CADPS2: variants seen among roughly 807,000 people sequenced by gnomAD.
CADPS2 encodes the protein calcium dependent secretion activator 2.
Under a neutral mutation model 172.5 loss-of-function variants are expected in CADPS2, and 93 were observed. The observed-to-expected ratio is 0.54, with a 90% CI of 0.46 to 0.64. CADPS2 has a LOEUF of 0.64. Among genes scored for constraint, CADPS2 ranks in the 30% least tolerant of loss-of-function variants. The pLI is 0.00. For synonymous variants in CADPS2, 546 were observed against 555.2 expected (o/e 0.98, Z 0.23); for missense variants, 1,420 against 1,565.9 (o/e 0.91, Z 1.57).
intron 1 of CADPS2, among the ~76,000 whole-genome samples, chr7:122,850,570 ATTAAC>A: frequency 6.6e-6 from 1 of 152,300 alleles, no homozygotes; most frequent in East Asian, 1.9e-4. Context: ...AAGCAGAAGT[ATTAAC>A]TTGTCTGGAA....
chr7:122,601,105 C>T (rs2072699864), intron 6 of CADPS2, among the ~76,000 whole-genome samples: 1 of 150,750 alleles, frequency 6.6e-6, no homozygotes, highest in Non-Finnish European at 1.5e-5. Context: ...TAGACATCTA[C>T]CATACTTGAA....
intron 1 of CADPS2, among the ~76,000 whole-genome samples, chr7:122,785,021 C>A (rs929202837): frequency 5.3e-5 from 8 of 152,092 alleles, no homozygotes; most frequent in African/African-American, 1.9e-4. Flanking sequence ...AACTTTTAAT[C>A]ATATTTTCAT....
At chr7:122,701,265 A>AATGGATGAGTTCATGTCCTTTGTAGGGAC (rs2086024910) in intron 2 of CADPS2, among the ~76,000 whole-genome samples, 1 of 152,210 alleles carries the variant, frequency 6.6e-6, no homozygotes, top group South Asian at 2.1e-4. Flanking sequence ...CAGCCATAAA[A>AATGGATGAGTTCATGTCCTTTGTAGGGAC]ATGGATGAGT....
Position 122,328,182 on chromosome 7 carries a change from A to G in CADPS2, c.3613-2601T>C, listed in dbSNP as rs2034274981. 4.6e-5 allele frequency among the ~76,000 whole-genome samples: 7 copies of G among 150,984 alleles called. No individual in the cohort carries two copies. In the South Asian group the frequency reaches 1.5e-3, roughly 32 times the overall value. On this transcript the variant is annotated intron_variant, in intron 28 of 29. Transcript: ENST00000449022. ...ACACGCACGCACACACCTTAAACAAACAATGAAAGCCACCAGACAGAAACC... is the reference window on the plus strand; with the variant it reads ...ACACGCACGCACACACCTTAAACAAGCAATGAAAGCCACCAGACAGAAACC...
At position 122,388,022 on chromosome 7, in the gene CADPS2, A is replaced by AT. The variant is rs558985227; in HGVS notation, c.3164+560dup. Among the ~76,000 whole-genome samples, 1,368 of 152,180 alleles carry AT rather than the reference A, an allele frequency of 9.0e-3. 12 individuals carry two copies. The highest frequency in any genetic ancestry group is 0.014 in the Non-Finnish European group (921 of 67,976). On this transcript the variant is annotated intron_variant, in intron 23 of 29. Coordinates refer to ENST00000449022, the MANE Select transcript of CADPS2 (RefSeq NM_017954.11). ...CTTGACCAATTAGGATGCAAAGCTG[A>AT]TTTTTTAAAACTACGATAAAATGAA...
intron 1 of CADPS2, among the ~76,000 whole-genome samples, chr7:122,876,862 T>C (rs1033130671): frequency 4.6e-5 from 7 of 152,144 alleles, no homozygotes; most frequent in African/African-American, 1.4e-4. Context: ...AGGGTCTGGA[T>C]GCAGGTAATT....
At chr7:122,379,171 A>C in intron 25 of CADPS2, 197 bp downstream of exon 25, 1 of 418,910 alleles carries the variant, frequency 2.4e-6, no homozygotes, top group Non-Finnish European at 4.3e-6. Context: ...AAAATTTATT[A>C]TATACAAAAA....
chr7:122,622,386 T>C (rs1354008124), intron 4 of CADPS2, among the ~76,000 whole-genome samples: 1 of 152,148 alleles, frequency 6.6e-6, no homozygotes, highest in East Asian at 1.9e-4. Context: ...AAGGGAAAAA[T>C]TAACAATATC....
chr7:122,653,839 T>C (rs2079444190), intron 3 of CADPS2, among the ~76,000 whole-genome samples: 1 of 152,164 alleles, frequency 6.6e-6, no homozygotes, highest in African/African-American at 2.4e-5. Context: ...ACAAATTCAT[T>C]CAATAAATGT....
In CADPS2 at chr7:122,560,338, A is replaced by G. The variant is rs539630599; in HGVS notation, c.1336-5649T>C. The stretch of plus-strand genomic sequence containing the variant: ...TGGAAGATTAGGGATAGACTGTAAG[A>G]AATGTGTTTTGCTAAGCGTGTGTTA... On this transcript the variant is annotated intron_variant, in intron 7 of 29. Coordinates refer to ENST00000449022, the MANE Select transcript of CADPS2 (RefSeq NM_017954.11). Among the ~76,000 whole-genome samples the G allele has an allele frequency of 1.4e-4, 21 of 152,322 alleles. No individual in the cohort carries two copies. In the East Asian group the frequency reaches 2.9e-3, roughly 21 times the overall value.
At chr7:122,711,344 A>G (rs886589385) in intron 2 of CADPS2, among the ~76,000 whole-genome samples, 2 of 152,096 alleles carry the variant, frequency 1.3e-5, no homozygotes, top group Non-Finnish European at 2.9e-5. Context: ...ATATATAGCT[A>G]TATCTCTCAA....
At chr7:122,335,481 C>T (rs2035715510) in intron 28 of CADPS2, among the ~76,000 whole-genome samples, 1 of 152,126 alleles carries the variant, frequency 6.6e-6, no homozygotes, top group South Asian at 2.1e-4. Context: ...CCAGGCTGGT[C>T]TCAAACTCCT....
At chr7:122,712,570 A>T (rs190286638) in intron 2 of CADPS2, among the ~76,000 whole-genome samples, 2 of 152,200 alleles carry the variant, frequency 1.3e-5, no homozygotes, top group East Asian at 3.9e-4. Context: ...TCATGGTTAT[A>T]TTTTTTCCAA....
Position 122,759,417 on chromosome 7 carries a change from A to C in CADPS2, c.340-22349T>G, listed in dbSNP as rs116467718. Among the ~76,000 whole-genome samples the C allele has an allele frequency of 3.2e-3, 483 of 152,318 alleles. 2 individuals carry two copies. The highest frequency in any genetic ancestry group is 0.011 in the African/African-American group (463 of 41,588). ...AAAGAAATCAAAGACTGTTTGAATAAAGTTATGTTTCTTTTCTAGTTTTTC... is the reference window on the plus strand; with the variant it reads ...AAAGAAATCAAAGACTGTTTGAATACAGTTATGTTTCTTTTCTAGTTTTTC... On this transcript the variant is annotated intron_variant, in intron 1 of 29. Transcript: ENST00000449022.
chr7:122,556,594 C>A (rs575037196), intron 7 of CADPS2, among the ~76,000 whole-genome samples: 1 of 152,170 alleles, frequency 6.6e-6, no homozygotes, highest in South Asian at 2.1e-4. Flanking sequence ...TAAATTAGGT[C>A]CCAAAATAAC....
At position 122,554,699 on chromosome 7, in the gene CADPS2, A is replaced by AG; in HGVS notation, c.1336-11_1336-10insC. The AG allele has an allele frequency of 6.3e-7, 1 of 1,580,910 alleles. No homozygotes were observed. Among genetic ancestry groups the AG allele is most frequent in the Non-Finnish European group, 8.6e-7 (1 of 1,165,322 alleles). ...TTGGGTATAATATCACCTGTATGGA[A>AG]AAAAAAACCCACATTTAAACGCATG... is the stretch of plus-strand genomic sequence containing the variant. On this transcript the variant is annotated splice_polypyrimidine_tract_variant and intron_variant, in intron 7 of 29. Coordinates refer to ENST00000449022, the MANE Select transcript of CADPS2 (RefSeq NM_017954.11).
In CADPS2 at chr7:122,541,733, T is replaced by G. The variant is rs530421092; in HGVS notation, c.1475+12817A>C. ...TATATTTACATATATTCATATATAT[T>G]TATTCATATATTTACATATATTCAT... On this transcript the variant is annotated intron_variant, in intron 8 of 29. Coordinates refer to ENST00000449022, the MANE Select transcript of CADPS2 (RefSeq NM_017954.11). Among the ~76,000 whole-genome samples, 3 of 144,812 alleles carry G rather than the reference T, an allele frequency of 2.1e-5. No individual in the cohort carries two copies. The Admixed American group carries it at 2.1e-4, about 10-fold the overall frequency.
intron 22 of CADPS2, among the ~76,000 whole-genome samples, chr7:122,392,767 A>G (rs2151487460): frequency 6.6e-6 from 1 of 152,332 alleles, no homozygotes; most frequent in Non-Finnish European, 1.5e-5. Flanking sequence ...ATAGAAAAAT[A>G]TTATATTCTT....
intron 14 of CADPS2, among the ~76,000 whole-genome samples, chr7:122,468,430 G>T (rs1027311772): frequency 6.6e-6 from 1 of 152,080 alleles, no homozygotes; most frequent in Non-Finnish European, 1.5e-5. Context: ...CATTAACAAA[G>T]AAATTAGGAA....
Sources: allele counts gnomAD v4.1 joint callset (sites outside exome capture counted in the v4.1 genomes callset), GRCh38; gene constraint gnomAD v4.1.1; transcripts MANE v1.5; gene names NCBI Gene and HGNC (gene_info 2026-07-23, HGNC 2026-07-21).